The following SMC1B variants were observed in gnomAD, a reference collection of about 807,000 sequenced individuals.
The protein encoded by SMC1B is structural maintenance of chromosomes 1B.
Under a neutral mutation model 157.9 loss-of-function variants are expected in SMC1B, and 60 were observed. The ratio of observed to expected loss-of-function variants is 0.38; its 90% CI spans 0.31 to 0.47. SMC1B has a LOEUF of 0.47. Ranked by LOEUF, SMC1B falls within the 20% of genes least tolerant of loss-of-function variation. The probability of loss-of-function intolerance (pLI) is 0.99; values close to 1 mark genes in which losing one functional copy is unlikely to be tolerated. For missense variants in SMC1B, 1,165 were observed against 1,426.2 expected, an observed-to-expected ratio of 0.82 and a Z score of 2.95; for synonymous variants, 445 against 483.0, an observed-to-expected ratio of 0.92 and a Z score of 1.03.
intron 24 of SMC1B, 116 bp from the exon 25 acceptor site, chr22:45,344,773 A>G (rs190633591): frequency 3.2e-5 from 20 of 629,344 alleles, no homozygotes; most frequent in Non-Finnish European, 5.3e-5. Flanking sequence ...TCAACCTAGT[A>G]AGATATCTGC....
rs2087167888 is a variant in SMC1B at position 45,399,558 on chromosome 22, T to C, written c.855-205A>G. ...ACACGGTCACTTTTGAGAGTGGTACTGTAGTGGTAGACACTTGACACTATG... is the reference window on the plus strand; with the variant it reads ...ACACGGTCACTTTTGAGAGTGGTACCGTAGTGGTAGACACTTGACACTATG... On this transcript the variant is annotated intron_variant, in intron 5 of 24. Transcript: ENST00000357450. Among the ~76,000 whole-genome samples, 3 of 152,202 alleles carry C rather than the reference T, an allele frequency of 2.0e-5. No individual in the cohort carries two copies. In the South Asian group the frequency reaches 6.2e-4, roughly 32 times the overall value.
intron 1 of SMC1B, among the ~76,000 whole-genome samples, chr22:45,410,087 G>A (rs761963589): frequency 2.6e-5 from 4 of 152,210 alleles, no homozygotes; most frequent in African/African-American, 9.7e-5. Flanking sequence ...ACACCAATGG[G>A]TAAGGACTTG....
Position 45,389,806 on chromosome 22 carries a change from A to C in SMC1B, c.1637T>G (p.Val546Gly), listed in dbSNP as rs772105461. The C allele has an allele frequency of 6.2e-7, 1 of 1,614,118 alleles. No homozygotes were observed. The highest frequency in any genetic ancestry group is 8.5e-7 in the Non-Finnish European group (1 of 1,179,958). ...TTTTGCTACCTTTTCAGAGGCTACA[A>C]CAATGGCAGTGATGAACCGGCCAAA... ...KVFGRFITAIVVASEKVAKDC... is the reference protein window; with the variant it reads ...KVFGRFITAIGVASEKVAKDC... Residue 546 changes from valine to glycine, a missense_variant, in exon 10 of 25, where the codon GTT becomes GGT. Physicochemically the swap from Val to Gly is moderately radical, Grantham distance 109 (BLOSUM62 -3). Transcript: ENST00000357450.
At position 45,349,543 on chromosome 22, in the gene SMC1B, T is replaced by C. The variant is rs4823215; in HGVS notation, c.3495+185A>G. 7.4e-3 allele frequency among the ~76,000 whole-genome samples: 28 copies of C among 3,792 alleles called. 12 individuals carry two copies. Among genetic ancestry groups the C allele is most frequent in the East Asian group, 0.025 (6 of 238 alleles). The allele number at this position is 3,792 out of a possible 152,430, so 2.5% of individuals were successfully genotyped here. On this transcript the variant is annotated intron_variant, in intron 23 of 24. Transcript: ENST00000357450. ...TAGAGACGGAGATTCACCATGTTGGTCAGGCTGGTCTTAAACTCCTGACCT... is the reference window on the plus strand; with the variant it reads ...TAGAGACGGAGATTCACCATGTTGGCCAGGCTGGTCTTAAACTCCTGACCT...
intron 8 of SMC1B, among the ~76,000 whole-genome samples, 165 bp downstream of exon 8, chr22:45,394,520 A>G (rs1569193923): frequency 6.6e-6 from 1 of 152,068 alleles, no homozygotes; most frequent in Non-Finnish European, 1.5e-5. Context: ...ATGTGCCTGT[A>G]GTCTCAGCTA....
Position 45,413,523 on chromosome 22 carries a change from C to G in SMC1B, c.45G>C (p.Trp15Cys), listed in dbSNP as rs2087380977. ...AGGGGCCAATGACCTGGCGGCCCCG[C>G]CACGACTTGAAATTTTCCACAAGCA... ...ELLLVENFKS[W>C]RGRQVIGPFR... Residue 15 changes from tryptophan (W) to cysteine (C), a missense_variant, in exon 1 of 25, where the codon TGG (tryptophan) becomes TGC (cysteine). By Grantham distance (215) the Trp-to-Cys change is radical. Coordinates refer to ENST00000357450, the MANE Select transcript of SMC1B (RefSeq NM_148674.5). 6.2e-7 allele frequency: 1 copy of G among 1,612,302 alleles called. No homozygotes were observed. The highest frequency in any genetic ancestry group is 8.5e-7 in the Non-Finnish European group (1 of 1,179,308).
At chr22:45,359,343 G>A (rs2086699167) in intron 18 of SMC1B, among the ~76,000 whole-genome samples, 1 of 152,184 alleles carries the variant, frequency 6.6e-6, no homozygotes, top group Non-Finnish European at 1.5e-5. Context: ...AAATGTTAGT[G>A]AGCCTTGGTT....
chr22:45,406,435 T>G, intron 4 of SMC1B, 25 bp downstream of exon 4: 1 of 1,582,172 alleles, frequency 6.3e-7, no homozygotes, highest in Non-Finnish European at 8.6e-7. Context: ...CAACAACTAA[T>G]GGTTACATCT....
Position 45,362,763 on chromosome 22 carries a change from T to G in SMC1B, c.2562+122A>C, listed in dbSNP as rs2086734123. The G allele has an allele frequency of 3.1e-5, 24 of 775,854 alleles. No homozygotes were observed. The South Asian group carries it at 4.1e-4, about 13-fold the overall frequency. The allele number at this position is 775,854 out of a possible 1,614,324, so 48.1% of individuals were successfully genotyped here. ...GCTCTGCTGATTTTACTTTAAGTAT[T>G]TCTTAAATCTGTCCCCAACCCCTTC... On this transcript the variant is annotated intron_variant, in intron 16 of 24. Transcript: ENST00000357450.
intron 11 of SMC1B, among the ~76,000 whole-genome samples, chr22:45,384,816 T>C (rs2086974191): frequency 6.6e-6 from 1 of 152,188 alleles, no homozygotes; most frequent in Admixed American, 6.5e-5. Context: ...ATCTGGAATT[T>C]ATCCTGATAC....
chr22:45,406,435 T>C, intron 4 of SMC1B, 25 bp downstream of exon 4: 1 of 1,582,172 alleles, frequency 6.3e-7, no homozygotes, highest in Non-Finnish European at 8.6e-7. Context: ...CAACAACTAA[T>C]GGTTACATCT....
intron 1 of SMC1B, among the ~76,000 whole-genome samples, chr22:45,413,077 C>A (rs1217035474): frequency 6.6e-6 from 1 of 151,998 alleles, no homozygotes; most frequent in Non-Finnish European, 1.5e-5. Context: ...GGGTTGGGAG[C>A]CCCTGAGATG....
In SMC1B at chr22:45,412,490, C is replaced by T. The variant is rs541190463; in HGVS notation, c.109+969G>A. On this transcript the variant is annotated intron_variant, in intron 1 of 24. Transcript: ENST00000357450. ...CTGGAATTACAGGTGTGAGCCACCG[C>T]GCCCAGCCTTTTTTTTTTTTTTTTT... 3.4e-5 allele frequency among the ~76,000 whole-genome samples: 5 copies of T among 146,188 alleles called. No individual in the cohort carries two copies. The South Asian group carries it at 8.7e-4, about 25-fold the overall frequency.
In SMC1B at chr22:45,396,352, T is replaced by A. The variant is rs761309058; in HGVS notation, c.1248A>T (p.Glu416Asp). The A allele has an allele frequency of 6.2e-7, 1 of 1,611,770 alleles. No homozygotes were observed. ...ACTGTACAACCCAAGACACCTGAAC[T>A]TCTCCATGCCTCCTCTTTTCAAATG... Reference protein sequence around the residue: ...RLAFEKRRHGEVQGNLKQIKE... With the variant: ...RLAFEKRRHGDVQGNLKQIKE... The change falls in exon 7 of 25, where the codon GAA (glutamate) becomes GAT (aspartate). Residue 416 changes from glutamate (E) to aspartate (D), a missense_variant. Physicochemically the swap from Glu to Asp is conservative, Grantham distance 45. Coordinates refer to ENST00000357450, the MANE Select transcript of SMC1B (RefSeq NM_148674.5).
chr22:45,394,665 A>T lies in SMC1B; in HGVS notation c.1337+20T>A, dbSNP rs948439115. The stretch of plus-strand genomic sequence containing the variant: ...AAATAAAAGAAAATTGCTGCAAGAA[A>T]TTTTTTTTACTCTACCTACATGCAT... On this transcript the variant is annotated intron_variant, in intron 8 of 24. Coordinates refer to ENST00000357450, the MANE Select transcript of SMC1B (RefSeq NM_148674.5). 17 of 1,504,758 alleles carry T rather than the reference A, an allele frequency of 1.1e-5. No homozygotes were observed. In the African/African-American group the frequency reaches 2.1e-4, roughly 19 times the overall value. The allele number at this position is 1,504,758 out of a possible 1,614,324, so 93.2% of individuals were successfully genotyped here.
At chr22:45,391,956 T>TTTTTTG (rs1190688827) in intron 9 of SMC1B, among the ~76,000 whole-genome samples, 4 of 152,042 alleles carry the variant, frequency 2.6e-5, no homozygotes, top group Admixed American at 2.6e-4. Flanking sequence ...TCACCAGTGT[T>TTTTTTG]TTTTTGTTTT....
At chr22:45,390,243 G>A (rs8136997) in intron 9 of SMC1B, among the ~76,000 whole-genome samples, 75,358 of 150,954 alleles carry the variant, frequency 0.5, 22,373 homozygotes, top group African/African-American at 0.84. Flanking sequence ...GCTAGATACT[G>A]GATAAAACAT....
intron 6 of SMC1B, 29 bp from the exon 7 acceptor site, chr22:45,396,515 A>T: frequency 6.3e-7 from 1 of 1,591,244 alleles, no homozygotes; most frequent in Non-Finnish European, 8.5e-7. Flanking sequence ...AAAATTGCTA[A>T]TTCACCTTAA....
intron 11 of SMC1B, among the ~76,000 whole-genome samples, chr22:45,384,635 G>A (rs1000867825): frequency 4.6e-5 from 7 of 151,444 alleles, no homozygotes; most frequent in Admixed American, 2.6e-4. Context: ...CACGAGAATC[G>A]CTTGAACCTG....
Sources: allele counts gnomAD v4.1 joint callset (sites outside exome capture counted in the v4.1 genomes callset), GRCh38; gene constraint gnomAD v4.1.1; transcripts MANE v1.5; gene names NCBI Gene and HGNC (gene_info 2026-07-23, HGNC 2026-07-21).